The following CNTN4 variants were observed in gnomAD, a reference collection of about 807,000 sequenced individuals.
CNTN4 encodes the protein contactin 4.
CNTN4 carries 77 observed loss-of-function variants against 122.5 expected under a neutral mutation model. That is an observed-to-expected ratio of 0.63 (90% CI 0.52 to 0.76). CNTN4 has a LOEUF of 0.76. Ranked by LOEUF, CNTN4 falls within the 30% of genes least tolerant of loss-of-function variation. The probability of loss-of-function intolerance (pLI) is 0.00; values close to 1 mark genes in which losing one functional copy is unlikely to be tolerated. For missense variants in CNTN4, 1,256 were observed against 1,259.1 expected (o/e 1.00, Z 0.04); for synonymous variants, 512 against 447.0 (o/e 1.15, Z -1.83).
chr3:2,724,326 C>G (rs1368031351), intron 4 of CNTN4, among the ~76,000 whole-genome samples: 1 of 152,148 alleles, frequency 6.6e-6, no homozygotes, highest in African/African-American at 2.4e-5. Context: ...GAGCCCCTTA[C>G]CTGCCATAAA....
intron 3 of CNTN4, among the ~76,000 whole-genome samples, chr3:2,536,266 G>T (rs2077801423): frequency 6.6e-6 from 1 of 152,276 alleles, no homozygotes; most frequent in African/African-American, 2.4e-5. Flanking sequence ...CAACTGGATG[G>T]AAAGTTTACT....
intron 6 of CNTN4, among the ~76,000 whole-genome samples, chr3:2,798,251 C>G (rs2092252427): frequency 6.7e-6 from 1 of 149,788 alleles, no homozygotes; most frequent in Non-Finnish European, 1.5e-5. Context: ...AGATTTTATT[C>G]TTTTTTATGG....
At chr3:2,191,705 T>TACAC (rs753789258) in intron 2 of CNTN4, among the ~76,000 whole-genome samples, 4,801 of 141,370 alleles carry the variant, frequency 0.034, 100 homozygotes, top group Non-Finnish European at 0.038. Flanking sequence ...TATATATATA[T>TACAC]ATATACACAC....
At chr3:2,100,852 G>C (rs9829996) in intron 2 of CNTN4, among the ~76,000 whole-genome samples, 81,031 of 151,914 alleles carry the variant, frequency 0.53, 21,764 homozygotes, top group South Asian at 0.63. Flanking sequence ...GCTGATAAAC[G>C]TCATTATTTT....
chr3:2,812,064 G>A (rs2092625511), intron 6 of CNTN4, among the ~76,000 whole-genome samples: 1 of 152,124 alleles, frequency 6.6e-6, no homozygotes, highest in African/African-American at 2.4e-5. Context: ...TTACAAGTCG[G>A]AGCTAAGATG....
Position 2,628,842 on chromosome 3 carries a change from AT to A in CNTN4, c.55+57287del, listed in dbSNP as rs1176387201. Among the ~76,000 whole-genome samples the A allele has an allele frequency of 7.2e-5, 11 of 152,318 alleles. No homozygotes were observed. In the East Asian group the frequency reaches 2.1e-3, roughly 29 times the overall value. On this transcript the variant is annotated intron_variant, in intron 4 of 24. Transcript: ENST00000418658. The stretch of plus-strand genomic sequence containing the variant: ...CAAAATTATTTTCTGGATTGTAACA[AT>A]TTGGAACTGGATATAACCCAAAAGG...
intron 3 of CNTN4, among the ~76,000 whole-genome samples, chr3:2,488,005 C>A (rs527326628): frequency 2.6e-5 from 4 of 152,298 alleles, no homozygotes; most frequent in South Asian, 2.1e-4. Context: ...TAAGACACTT[C>A]TAGTTTCTCC....
At chr3:2,380,376 C>T (rs1428376330) in intron 3 of CNTN4, among the ~76,000 whole-genome samples, 9 of 152,114 alleles carry the variant, frequency 5.9e-5, no homozygotes, top group Admixed American at 5.9e-4. Context: ...TATTAAAGAG[C>T]ACTAAGATCT....
chr3:2,241,619 C>G (rs907997979), intron 2 of CNTN4, among the ~76,000 whole-genome samples: 7 of 152,182 alleles, frequency 4.6e-5, no homozygotes, highest in African/African-American at 1.7e-4. Flanking sequence ...CTCAAGGTCA[C>G]TACCGTCAGC....
chr3:2,906,344 A>G (rs2094232145), intron 12 of CNTN4, among the ~76,000 whole-genome samples: 2 of 152,200 alleles, frequency 1.3e-5, no homozygotes, highest in South Asian at 4.1e-4. Context: ...TAAGTGTTTC[A>G]CCACAAAAAT....
At chr3:2,546,268 A>G (rs2078241221) in intron 3 of CNTN4, among the ~76,000 whole-genome samples, 1 of 152,008 alleles carries the variant, frequency 6.6e-6, no homozygotes, top group South Asian at 2.1e-4. Context: ...ATGCCTATCA[A>G]CAGTAGACTG....
intron 13 of CNTN4, among the ~76,000 whole-genome samples, chr3:2,950,190 A>G (rs1047706593): frequency 6.6e-6 from 1 of 152,234 alleles, no homozygotes; most frequent in Non-Finnish European, 1.5e-5. Context: ...CTCGAAGGGT[A>G]GCTAGCACTG....
intron 2 of CNTN4, among the ~76,000 whole-genome samples, chr3:2,300,317 G>A (rs1191014363): frequency 6.6e-6 from 1 of 152,032 alleles, no homozygotes; most frequent in East Asian, 1.9e-4. Context: ...TTTGCATAAT[G>A]TCCTGAAAGT....
intron 6 of CNTN4, among the ~76,000 whole-genome samples, chr3:2,778,668 T>G (rs2091444546): frequency 6.6e-6 from 1 of 152,240 alleles, no homozygotes; most frequent in Non-Finnish European, 1.5e-5. Flanking sequence ...GAATCTGTTC[T>G]TATCATACTG....
chr3:2,860,288 C>G (rs1483706257), intron 7 of CNTN4, among the ~76,000 whole-genome samples: 1 of 152,328 alleles, frequency 6.6e-6, no homozygotes, highest in East Asian at 1.9e-4. Flanking sequence ...GAGAATGATT[C>G]TCAGTCTGTG....
chr3:2,825,470 C>T (rs896483491), intron 7 of CNTN4, among the ~76,000 whole-genome samples: 5 of 152,120 alleles, frequency 3.3e-5, no homozygotes, highest in African/African-American at 4.8e-5. Flanking sequence ...GATCCACCCG[C>T]TTCAGCCTCC....
chr3:2,230,200 C>T (rs1055230399), intron 2 of CNTN4, among the ~76,000 whole-genome samples: 1 of 152,158 alleles, frequency 6.6e-6, no homozygotes, highest in Non-Finnish European at 1.5e-5. Flanking sequence ...TATTTTTGCT[C>T]CAGTTTGGAT....
At chr3:2,750,815 T>C (rs2090051437) in intron 6 of CNTN4, among the ~76,000 whole-genome samples, 1 of 152,176 alleles carries the variant, frequency 6.6e-6, no homozygotes, top group South Asian at 2.1e-4. Flanking sequence ...GAATTAGACA[T>C]TAAAGTCATC....
chr3:2,969,522 T>TATTATGATGATG (rs566689161), intron 13 of CNTN4, among the ~76,000 whole-genome samples: 14 of 137,026 alleles, frequency 1.0e-4, no homozygotes, highest in Admixed American at 3.4e-4. Flanking sequence ...TTGGGATTAT[T>TATTATGATGATG]ATTATTATTA....
Sources: gnomAD v4.1 joint callset for allele counts (sites outside exome capture counted in the v4.1 genomes callset) on GRCh38, gnomAD v4.1.1 for gene constraint, MANE v1.5 for transcripts, NCBI Gene and HGNC (gene_info 2026-07-23, HGNC 2026-07-21) for gene names.